INSC: variants seen among roughly 807,000 people sequenced by gnomAD.
INSC encodes INSC spindle orientation adaptor protein.
INSC carries 67 observed loss-of-function variants against 58.6 expected under a neutral mutation model. The observed-to-expected ratio is 1.14, with a 90% CI of 0.94 to 1.40. The LOEUF (loss-of-function observed/expected upper bound fraction) is 1.40, where lower values mean the gene tolerates loss of function less well. INSC is among the 40% of genes most tolerant of loss of function. INSC has a pLI of 0.00. For synonymous variants in INSC, 262 were observed against 276.1 expected (o/e 0.95, Z 0.51); for missense variants, 714 against 692.0 (o/e 1.03, Z -0.36).
intron 7 of INSC, among the ~76,000 whole-genome samples, chr11:15,213,059 G>T (rs1054057882): frequency 1.2e-4 from 18 of 152,124 alleles, no homozygotes; most frequent in Non-Finnish European, 2.1e-4. Context: ...TCGCTGTGAA[G>T]GTTGTGCAAC....
intron 9 of INSC, 79 bp from the exon 10 acceptor site, chr11:15,235,523 C>A: frequency 4.6e-6 from 5 of 1,085,250 alleles, no homozygotes; most frequent in South Asian, 1.2e-5. Flanking sequence ...CTTTGTAGCC[C>A]CTGGCTGACC....
chr11:15,160,068 A>C (rs1714344), intron 2 of INSC, among the ~76,000 whole-genome samples: 66,418 of 152,058 alleles, frequency 0.44, 14,872 homozygotes, highest in Non-Finnish European at 0.48. Context: ...TGTAGGTAGG[A>C]CAAGACAGAC....
chr11:15,177,037 C>T lies in INSC; in HGVS notation c.403-74C>T, dbSNP rs79086949. On this transcript the variant is annotated intron_variant, in intron 3 of 12. Coordinates refer to ENST00000379556, the MANE Select transcript of INSC (RefSeq NM_001042536.3). ...ATTGATTCTTCATGTTTAATGTCCC[C>T]GTGTGCTCAGCACAGCAGTTGGTCC... The T allele has an allele frequency of 4.4e-3, 4,970 of 1,130,292 alleles. 165 individuals carry two copies. In the African/African-American group the frequency reaches 0.065, roughly 15 times the overall value. The allele number at this position is 1,130,292 out of a possible 1,614,324, so 70.0% of individuals were successfully genotyped here. A position where few individuals can be genotyped will look rare whatever the true frequency, so the allele number is the denominator to read the frequency against.
rs1479734621 is a variant in INSC at position 15,180,699 on chromosome 11, G to GT, written c.579+2252_579+2253insT. Among the ~76,000 whole-genome samples, 5 of 111,382 alleles carry GT rather than the reference G, an allele frequency of 4.5e-5. No homozygotes were observed. In the East Asian group the frequency reaches 1.7e-3, roughly 38 times the overall value. The allele number at this position is 111,382 out of a possible 152,430, so 73.1% of individuals were successfully genotyped here. Reference sequence around the variant, plus strand: ...GGTAGGAGTGAGGGGGGGGGCGGGGGGGGGTGGTGGCCACAGAGTGTTGTC... The same window carrying GT: ...GGTAGGAGTGAGGGGGGGGGCGGGGGTGGGGTGGTGGCCACAGAGTGTTGTC... On this transcript the variant is annotated intron_variant, in intron 5 of 12. Transcript: ENST00000379556.
chr11:15,181,658 G>T (rs1434946691), intron 5 of INSC, among the ~76,000 whole-genome samples: 1 of 152,142 alleles, frequency 6.6e-6, no homozygotes, highest in Non-Finnish European at 1.5e-5. Flanking sequence ...ATTATTCCTA[G>T]AGTAAAAGGA....
downstream of INSC, chr11:15,247,249 G>C (rs149115040): frequency 6.6e-6 from 1 of 151,856 alleles, no homozygotes; most frequent in Middle Eastern, 3.2e-3. Flanking sequence ...CCAAGTCCTG[G>C]GCTAAGCATC....
intron 9 of INSC, among the ~76,000 whole-genome samples, chr11:15,233,176 G>T (rs1192170276): frequency 6.6e-6 from 1 of 152,172 alleles, no homozygotes; most frequent in Non-Finnish European, 1.5e-5. Flanking sequence ...CTTTCTCAAG[G>T]TGATGTCCTC....
intron 2 of INSC, among the ~76,000 whole-genome samples, chr11:15,172,368 G>C (rs1422878419): frequency 1.1e-4 from 16 of 152,150 alleles, no homozygotes; most frequent in Admixed American, 1.0e-3. Context: ...CATAGGTACA[G>C]ACCTATGGCA....
chr11:15,258,774 C>T, the INSC span, among the ~76,000 whole-genome samples: 1 of 152,180 alleles, frequency 6.6e-6, no homozygotes, highest in East Asian at 1.9e-4. Flanking sequence ...CTGAGATATG[C>T]AACTTGAAAT....
the INSC span, among the ~76,000 whole-genome samples, chr11:15,253,487 G>T: frequency 1.3e-5 from 2 of 151,964 alleles, no homozygotes; most frequent in African/African-American, 4.8e-5. Context: ...TCCCTTCAAC[G>T]CTATCTTTTT....
intron 12 of INSC, among the ~76,000 whole-genome samples, chr11:15,245,429 T>C (rs1852523109): frequency 6.6e-6 from 1 of 152,116 alleles, no homozygotes; most frequent in South Asian, 2.1e-4. Flanking sequence ...TGGGGAGTGA[T>C]TTTATTCTGC....
At chr11:15,247,926 T>C (rs1036167964), downstream of INSC, among the ~76,000 whole-genome samples, 2 of 152,114 alleles carry the variant, frequency 1.3e-5, no homozygotes, top group Non-Finnish European at 2.9e-5. Flanking sequence ...CTGTCAGCTG[T>C]TTCCCTTGAA....
chr11:15,134,922 G>C (rs1035330557), intron 1 of INSC, among the ~76,000 whole-genome samples: 1 of 152,080 alleles, frequency 6.6e-6, no homozygotes, highest in Non-Finnish European at 1.5e-5. Flanking sequence ...AAGGGGAAGA[G>C]AGAGGGAGCA....
chr11:15,245,777 T>A, intron 12 of INSC, 135 bp from the exon 13 acceptor site: 1 of 1,152,110 alleles, frequency 8.7e-7, no homozygotes, highest in East Asian at 2.4e-5. Context: ...GCCAAGTGGC[T>A]AACATGATGA....
intron 4 of INSC, among the ~76,000 whole-genome samples, chr11:15,177,793 A>T (rs1484879156): frequency 6.6e-6 from 1 of 152,200 alleles, no homozygotes; most frequent in Non-Finnish European, 1.5e-5. Flanking sequence ...TTTCCTGGGT[A>T]GAACACTGTC....
chr11:15,254,301 TCTTTGTAGA>T, the INSC span, among the ~76,000 whole-genome samples: 1 of 152,166 alleles, frequency 6.6e-6, no homozygotes, highest in Non-Finnish European at 1.5e-5. Flanking sequence ...TGGTGCTGGA[TCTTTGTAGA>T]GCCATTGTCC....
chr11:15,235,438 G>A (rs984144574), intron 9 of INSC, among the ~76,000 whole-genome samples, 164 bp from the exon 10 acceptor site: 2 of 152,222 alleles, frequency 1.3e-5, no homozygotes, highest in East Asian at 3.9e-4. Context: ...GGTGGCAGGA[G>A]CCCATAAGGA....
At chr11:15,222,610 C>T (rs1319715619) in intron 8 of INSC, among the ~76,000 whole-genome samples, 1 of 152,178 alleles carries the variant, frequency 6.6e-6, no homozygotes, top group Non-Finnish European at 1.5e-5. Flanking sequence ...TACCATGTCA[C>T]ATTGTAAAAC....
chr11:15,162,481 T>C (rs1433223577), intron 2 of INSC, among the ~76,000 whole-genome samples: 1 of 152,252 alleles, frequency 6.6e-6, no homozygotes, highest in African/African-American at 2.4e-5. Flanking sequence ...ATTACTTACC[T>C]GCTTTCCACT....
Sources: gnomAD v4.1 joint callset for allele counts (sites outside exome capture counted in the v4.1 genomes callset) on GRCh38, gnomAD v4.1.1 for gene constraint, MANE v1.5 for transcripts, NCBI Gene and HGNC (gene_info 2026-07-23, HGNC 2026-07-21) for gene names.